The following KIF24 variants were observed in gnomAD, a reference collection of about 807,000 sequenced individuals.
The protein encoded by KIF24 is kinesin-like protein KIF24.
KIF24 carries 81 observed loss-of-function variants against 118.9 expected under a neutral mutation model. That is an observed-to-expected ratio of 0.68 (90% confidence interval 0.57 to 0.82). The LOEUF (loss-of-function observed/expected upper bound fraction) is 0.82, where lower values mean the gene tolerates loss of function less well. Ranked by LOEUF, KIF24 falls within the 40% of genes least tolerant of loss-of-function variation. The pLI is 0.00. For synonymous variants in KIF24, 599 were observed against 610.0 expected (o/e 0.98, Z 0.27); for missense variants, 1,560 against 1,661.6 (o/e 0.94, Z 1.06).
intron 1 of KIF24, among the ~76,000 whole-genome samples, chr9:34,313,038 C>T (rs1048570623): frequency 9.9e-5 from 15 of 152,154 alleles, no homozygotes; most frequent in Non-Finnish European, 7.4e-5. Flanking sequence ...TTTTTAAAGA[C>T]CAAAAATTTT....
chr9:34,283,803 C>A (rs946149835), intron 6 of KIF24, among the ~76,000 whole-genome samples: 18 of 152,154 alleles, frequency 1.2e-4, no homozygotes, highest in African/African-American at 4.3e-4. Flanking sequence ...CAATTTTATT[C>A]TCAATCAGGG....
chr9:34,287,434 G>A (rs1836091339), intron 5 of KIF24, among the ~76,000 whole-genome samples: 1 of 152,096 alleles, frequency 6.6e-6, no homozygotes, highest in African/African-American at 2.4e-5. Context: ...TGCATTCAAG[G>A]TAATAAATGG....
chr9:34,313,738 G>GTTTTTTTTTTTTGTTTT (rs1837243769), intron 1 of KIF24, among the ~76,000 whole-genome samples: 1 of 130,360 alleles, frequency 7.7e-6, no homozygotes. Context: ...CCCGTTATCT[G>GTTTTTTTTTTTTGTTTT]TTTTTTTTTT....
rs575101223 is a variant in KIF24 at position 34,294,667 on chromosome 9, C to G, written c.911+2350G>C. Among the ~76,000 whole-genome samples the G allele has an allele frequency of 5.9e-5, 9 of 152,264 alleles. No individual in the cohort carries two copies. The South Asian group carries it at 1.7e-3, about 28-fold the overall frequency. ...GATAATTTCATAGAAGGGAATATTA[C>G]TCAGCAATGAAAACCACAGATACGT... On this transcript the variant is annotated intron_variant, in intron 4 of 12. Coordinates refer to ENST00000402558, the MANE Select transcript of KIF24 (RefSeq NM_194313.4).
chr9:34,259,077 A>G (rs886577893), intron 10 of KIF24, among the ~76,000 whole-genome samples: 4 of 152,150 alleles, frequency 2.6e-5, no homozygotes, highest in Admixed American at 2.6e-4. Context: ...GGCAGTCAAG[A>G]GTTGCTGGCT....
chr9:34,315,815 G>C (rs1837309799), intron 1 of KIF24, among the ~76,000 whole-genome samples: 1 of 151,598 alleles, frequency 6.6e-6, no homozygotes, highest in Non-Finnish European at 1.5e-5. Flanking sequence ...GATCACTTGA[G>C]GTCAGGAGTT....
intron 1 of KIF24, among the ~76,000 whole-genome samples, chr9:34,323,956 G>A (rs1304691288): frequency 6.6e-6 from 1 of 152,176 alleles, no homozygotes; most frequent in Non-Finnish European, 1.5e-5. Context: ...TTTAGAAAGT[G>A]ATCAGATAGC....
At position 34,318,340 on chromosome 9, in the gene KIF24, G is replaced by A; in HGVS notation, c.-25-6969C>T. On this transcript the variant is annotated intron_variant, in intron 1 of 12. Coordinates refer to ENST00000402558, the MANE Select transcript of KIF24 (RefSeq NM_194313.4). This position sits in a 1 kb window ranked among gnomAD's most constrained non-coding sequence, Gnocchi z 4.9. ...CTTGGAGCCAGCCCAGCCCAACCCAGCCCAACCCAGCTTGACCTAGCCCTG... is the reference window on the plus strand; with the variant it reads ...CTTGGAGCCAGCCCAGCCCAACCCAACCCAACCCAGCTTGACCTAGCCCTG... The A allele has an allele frequency of 9.3e-6, 4 of 431,088 alleles. No homozygotes were observed. Among genetic ancestry groups the A allele is most frequent in the Non-Finnish European group, 1.8e-5 (4 of 222,244 alleles). 26.7% of individuals were successfully genotyped at this position (431,088 alleles called of 1,614,324 possible). A position where few individuals can be genotyped will look rare whatever the true frequency, so the allele number is the denominator to read the frequency against.
intron 10 of KIF24, among the ~76,000 whole-genome samples, chr9:34,259,039 C>A (rs1237850357): frequency 6.6e-6 from 1 of 152,120 alleles, no homozygotes. Flanking sequence ...CAGCAGATAC[C>A]ACAGTCACCC....
intron 2 of KIF24, among the ~76,000 whole-genome samples, chr9:34,307,772 G>A (rs1836982750): frequency 6.6e-6 from 1 of 150,780 alleles, no homozygotes; most frequent in Admixed American, 6.6e-5. Flanking sequence ...ACTTAGCTGG[G>A]CATGCTCACT....
chr9:34,256,267 G>C lies in KIF24; in HGVS notation c.3340C>G (p.Leu1114Val), dbSNP rs772376773. Residue 1114 changes from leucine (L) to valine (V), a missense_variant, in exon 11 of 13, where the codon CTG becomes GTG. By Grantham distance (32) the Leu-to-Val change is conservative (BLOSUM62 1). Coordinates refer to ENST00000402558, the MANE Select transcript of KIF24 (RefSeq NM_194313.4). ...PVSSATRHLW[L>V]SSSPPDNKPG... ...TTATTATCAGGGGGAGATGAGGACA[G>C]CCACAGGTGCCTAGTTGCTGAAGAC... is the stretch of plus-strand genomic sequence containing the variant. The C allele has an allele frequency of 4.5e-5, 73 of 1,608,342 alleles. No homozygotes were observed. The highest frequency in any genetic ancestry group is 5.9e-5 in the Non-Finnish European group (70 of 1,177,014).
chr9:34,288,720 T>C (rs775822793), intron 5 of KIF24, among the ~76,000 whole-genome samples: 21 of 152,008 alleles, frequency 1.4e-4, no homozygotes, highest in South Asian at 4.2e-4. Context: ...CAAGAGTTAA[T>C]ATATGCCTAT....
chr9:34,302,808 C>T (rs1836773876), intron 3 of KIF24, among the ~76,000 whole-genome samples: 1 of 149,094 alleles, frequency 6.7e-6, no homozygotes, highest in African/African-American at 2.5e-5. Context: ...CGGAGTCTCC[C>T]TCTCTCTCCC....
rs964785506 is a variant in KIF24, at chr9:34,318,190, G to A, written c.-25-6819C>T. 6.9e-6 allele frequency among the ~76,000 whole-genome samples: 1 copy of A among 145,862 alleles called. No individual in the cohort carries two copies. The highest frequency in any genetic ancestry group is 1.5e-5 in the Non-Finnish European group (1 of 66,256). On this transcript the variant is annotated intron_variant, in intron 1 of 12. Transcript: ENST00000402558. The surrounding 1 kb of genome is among the most constrained non-coding windows in gnomAD (Gnocchi z 4.9). ...AGCCTGGGCAACATAGTGAGACCCC[G>A]CCCCTAAAAAAAAGACATGAATAAT...
At chr9:34,296,067 A>C (rs1836459772) in intron 4 of KIF24, among the ~76,000 whole-genome samples, 1 of 149,810 alleles carries the variant, frequency 6.7e-6, no homozygotes, top group Non-Finnish European at 1.5e-5. Flanking sequence ...AAAATACAAA[A>C]AATTAGCCAG....
chr9:34,318,629 T>A lies in KIF24; in HGVS notation c.-25-7258A>T. On this transcript the variant is annotated intron_variant, in intron 1 of 12. Coordinates refer to ENST00000402558, the MANE Select transcript of KIF24 (RefSeq NM_194313.4). This position sits in a 1 kb window ranked among gnomAD's most constrained non-coding sequence, Gnocchi z 4.9. The stretch of plus-strand genomic sequence containing the variant: ...CCTGGTGTCGCCCGTGGTGGTGGCC[T>A]CGTCGTTGGGGCTCGTGTCGCTGGG... 6.5e-7 allele frequency: 1 copy of A among 1,530,522 alleles called. No individual in the cohort carries two copies. The highest frequency in any genetic ancestry group is 1.3e-5 in the African/African-American group (1 of 74,422). 94.8% of individuals were successfully genotyped at this position (1,530,522 alleles called of 1,614,324 possible).
intron 6 of KIF24, among the ~76,000 whole-genome samples, chr9:34,280,379 C>T (rs1835810792): frequency 1.3e-5 from 2 of 148,586 alleles, no homozygotes; most frequent in South Asian, 4.3e-4. Flanking sequence ...CCAGCATTTA[C>T]AGTCTAAAGG....
At chr9:34,291,722 A>T (rs1414306120) in intron 4 of KIF24, among the ~76,000 whole-genome samples, 1 of 152,164 alleles carries the variant, frequency 6.6e-6, no homozygotes, top group East Asian at 1.9e-4. Flanking sequence ...GAATGAACAT[A>T]ATCTTAGAGC....
At position 34,319,147 on chromosome 9, in the gene KIF24, T is replaced by C. The variant is rs978604238; in HGVS notation, c.-25-7776A>G. The stretch of plus-strand genomic sequence containing the variant: ...CAGGCCTCTACAACTACTATGACAA[T>C]GAGAAGGAAAAGCTGCAAATCGTGG... On this transcript the variant is annotated intron_variant, in intron 1 of 12. Transcript: ENST00000402558. 1.0e-5 allele frequency: 16 copies of C among 1,585,050 alleles called. No homozygotes were observed. In the Admixed American group the frequency reaches 2.0e-4, roughly 20 times the overall value.
Sources: gnomAD v4.1 joint callset for allele counts (sites outside exome capture counted in the v4.1 genomes callset) on GRCh38, gnomAD v4.1.1 for gene constraint, Gnocchi (gnomAD v3.1) non-coding constraint, MANE v1.5 for transcripts, NCBI Gene and HGNC (gene_info 2026-07-23, HGNC 2026-07-21) for gene names.